Variants in SLIT2 observed in about 807,000 individuals in gnomAD.
The protein encoded by SLIT2 is slit guidance ligand 2.
Under a neutral mutation model 185.7 loss-of-function variants are expected in SLIT2, and 41 were observed. The observed-to-expected ratio is 0.22, with a 90% CI of 0.17 to 0.29. The LOEUF is 0.29. SLIT2 is among the 10% of genes least tolerant of loss of function. The probability of loss-of-function intolerance (pLI) is 1.00; values close to 1 mark genes in which losing one functional copy is unlikely to be tolerated. For missense variants in SLIT2, 1,571 were observed against 1,909.0 expected (o/e 0.82, Z 3.30); for synonymous variants, 693 against 680.2 (o/e 1.02, Z -0.29).
chr4:20,256,729 A>G lies in SLIT2; in HGVS notation c.237A>G (p.Arg79=), dbSNP rs1037120034. 1 of 1,545,046 alleles carries G rather than the reference A, an allele frequency of 6.5e-7. No individual in the cohort carries two copies. The highest frequency in any genetic ancestry group is 8.9e-7 in the Non-Finnish European group (1 of 1,126,498). The change falls in exon 2 of 37, where the codon AGA becomes AGG. Residue 79 remains arginine (R), a synonymous_variant. Transcript: ENST00000504154. ...CGAAGACAGATTTTGCTGGTCTTAG[A>G]CATCTAAGAGTTCTGTAAGTGCATC... ...RITKTDFAGL[R]HLRVLQLMEN... is the part of the protein sequence containing the mutation.
intron 4 of SLIT2, among the ~76,000 whole-genome samples, chr4:20,434,162 C>G (rs751863204): frequency 4.6e-5 from 7 of 152,034 alleles, no homozygotes; most frequent in Admixed American, 6.6e-5. Context: ...GGTTGGGATG[C>G]ATGCAGGGAG....
chr4:20,415,539 TTAAC>T lies in SLIT2; in HGVS notation c.396-52209_396-52206del, dbSNP rs35421082. ...TTATAGCAGATATAATTTTGATCAC[TTAAC>T]TAATTTTTTCAATATTACCAAATTT... is the stretch of plus-strand genomic sequence containing the variant. On this transcript the variant is annotated intron_variant, in intron 4 of 36. Coordinates refer to ENST00000504154, the MANE Select transcript of SLIT2 (RefSeq NM_004787.4). Among the ~76,000 whole-genome samples, 820 of 152,212 alleles carry T rather than the reference TTAAC, an allele frequency of 5.4e-3. 13 individuals carry two copies. Among genetic ancestry groups the T allele is most frequent in the African/African-American group, 0.019 (796 of 41,518 alleles).
At chr4:20,494,558 T>A (rs1189665928) in intron 9 of SLIT2, among the ~76,000 whole-genome samples, 2 of 151,984 alleles carry the variant, frequency 1.3e-5, no homozygotes, top group African/African-American at 4.8e-5. Context: ...AGGCAGATCA[T>A]GAGGTCAGGA....
At chr4:20,274,787 T>A (rs1311826844) in intron 4 of SLIT2, among the ~76,000 whole-genome samples, 2 of 152,034 alleles carry the variant, frequency 1.3e-5, no homozygotes, top group South Asian at 4.1e-4. Context: ...ACGACTGCTT[T>A]CACAAGTGCA....
intron 4 of SLIT2, among the ~76,000 whole-genome samples, chr4:20,425,879 C>G (rs1311732488): frequency 6.6e-6 from 1 of 152,138 alleles, no homozygotes; most frequent in Admixed American, 6.5e-5. Flanking sequence ...TCATATGTCC[C>G]TTTCTCTGCC....
At chr4:20,258,081 T>G in intron 3 of SLIT2, 142 bp downstream of exon 3, 1 of 522,404 alleles carries the variant, frequency 1.9e-6, no homozygotes, top group East Asian at 3.1e-5. Flanking sequence ...GGTTTTCAGG[T>G]TAATTTATGA....
chr4:20,456,479 A>C (rs1056771460), intron 4 of SLIT2, among the ~76,000 whole-genome samples: 1 of 151,968 alleles, frequency 6.6e-6, no homozygotes, highest in Non-Finnish European at 1.5e-5. Flanking sequence ...TTTGCATGCC[A>C]CCTCACTCTT....
chr4:20,493,516 G>A (rs1413220332), intron 9 of SLIT2, among the ~76,000 whole-genome samples: 6 of 152,118 alleles, frequency 3.9e-5, no homozygotes, highest in East Asian at 3.9e-4. Flanking sequence ...GAGATACACA[G>A]TGAAAAACAT....
chr4:20,535,813 A>G (rs1161583057), intron 18 of SLIT2, among the ~76,000 whole-genome samples: 7 of 152,206 alleles, frequency 4.6e-5, no homozygotes, highest in Admixed American at 3.3e-4. Flanking sequence ...TGGGATCCAC[A>G]CAATCTCACT....
chr4:20,510,183 T>G (rs1011943654), intron 9 of SLIT2, among the ~76,000 whole-genome samples: 3 of 152,176 alleles, frequency 2.0e-5, no homozygotes, highest in African/African-American at 7.2e-5. Context: ...TTAAGTTAAT[T>G]AAAATGTACT....
Position 20,617,139 on chromosome 4 carries a change from G to A in SLIT2, c.4077G>A (p.Gln1359=). ...SSQAGFTCEC[Q]EGWMGPLCDQ... ...AGGCAGGCTTCACCTGCGAGTGCCA[G>A]GAAGGATGGATGGGGCCCCTCTGTG... The change falls in exon 35 of 37, where the codon CAG becomes CAA. Residue 1359 remains glutamine (Q), a synonymous_variant. Coordinates refer to ENST00000504154, the MANE Select transcript of SLIT2 (RefSeq NM_004787.4). 1 of 1,609,540 alleles carries A rather than the reference G, an allele frequency of 6.2e-7. No homozygotes were observed. The highest frequency in any genetic ancestry group is 8.5e-7 in the Non-Finnish European group (1 of 1,176,282).
intron 21 of SLIT2, among the ~76,000 whole-genome samples, chr4:20,545,454 G>A (rs1203993057): frequency 8.3e-6 from 1 of 119,832 alleles, no homozygotes; most frequent in Non-Finnish European, 1.7e-5. Context: ...GATTATTGCT[G>A]TTACATATAT....
At chr4:20,390,356 C>T (rs949286258) in intron 4 of SLIT2, among the ~76,000 whole-genome samples, 4 of 152,080 alleles carry the variant, frequency 2.6e-5, no homozygotes, top group African/African-American at 9.7e-5. Context: ...AAATTACAAA[C>T]ATGCGTGAGG....
chr4:20,606,292 G>A (rs1247568080), intron 33 of SLIT2, among the ~76,000 whole-genome samples: 2 of 152,026 alleles, frequency 1.3e-5, no homozygotes, highest in Non-Finnish European at 2.9e-5. Context: ...ACCAGCCTGG[G>A]AAACATGGCA....
chr4:20,530,205 A>G (rs1721671927), intron 16 of SLIT2, among the ~76,000 whole-genome samples: 1 of 151,978 alleles, frequency 6.6e-6, no homozygotes, highest in Non-Finnish European at 1.5e-5. Flanking sequence ...TATTTTTTAT[A>G]GACATATAGG....
At chr4:20,388,565 G>A (rs1368456241) in intron 4 of SLIT2, among the ~76,000 whole-genome samples, 8 of 151,878 alleles carry the variant, frequency 5.3e-5, no homozygotes, top group Non-Finnish European at 1.2e-4. Flanking sequence ...CCTGAGGTCA[G>A]GAGCTTGAGG....
chr4:20,482,157 T>C (rs1034329102), intron 6 of SLIT2, among the ~76,000 whole-genome samples: 1 of 152,042 alleles, frequency 6.6e-6, no homozygotes, highest in Admixed American at 6.6e-5. Flanking sequence ...CTAAAATTCA[T>C]AGATGAGGAG....
intron 4 of SLIT2, among the ~76,000 whole-genome samples, chr4:20,359,750 A>G (rs1036825170): frequency 6.6e-6 from 1 of 152,098 alleles, no homozygotes; most frequent in African/African-American, 2.4e-5. Context: ...TGCTTAATGA[A>G]TGAGTACAAA....
chr4:20,588,510 G>T (rs1727252785), intron 29 of SLIT2, among the ~76,000 whole-genome samples: 1 of 152,146 alleles, frequency 6.6e-6, no homozygotes, highest in African/African-American at 2.4e-5. Flanking sequence ...ATGAACAGCT[G>T]CCTATAGATG....
Sources: gnomAD v4.1 joint callset for allele counts (sites outside exome capture counted in the v4.1 genomes callset) on GRCh38, gnomAD v4.1.1 for gene constraint, MANE v1.5 for transcripts, NCBI Gene and HGNC (gene_info 2026-07-23, HGNC 2026-07-21) for gene names.